RARB: variants seen among roughly 807,000 people sequenced by gnomAD.
The protein encoded by RARB is retinoic acid receptor beta.
RARB carries 17 observed loss-of-function variants against 51.9 expected under a neutral mutation model. That is an observed-to-expected ratio of 0.33 (90% CI 0.22 to 0.49). The LOEUF (loss-of-function observed/expected upper bound fraction) is 0.49, where lower values mean the gene tolerates loss of function less well. RARB is among the 20% of genes least tolerant of loss of function. The pLI is 0.99. For synonymous variants in RARB, 215 were observed against 195.4 expected (o/e 1.10, Z -0.84); for missense variants, 369 against 550.8 (o/e 0.67, Z 3.30).
intron 5 of RARB, among the ~76,000 whole-genome samples, chr3:25,310,342 G>A (rs977954154): frequency 1.3e-5 from 2 of 152,192 alleles, no homozygotes; most frequent in African/African-American, 4.8e-5. Context: ...AGCCTAGTCT[G>A]TATGACTGAC....
chr3:24,849,968 T>C (rs1156651614), intron 1 of RARB, among the ~76,000 whole-genome samples: 1 of 152,232 alleles, frequency 6.6e-6, no homozygotes, highest in African/African-American at 2.4e-5. Context: ...TAGTGGAGAC[T>C]GAGTAATTTA....
intron 3 of RARB, among the ~76,000 whole-genome samples, chr3:25,079,518 A>G (rs1044361613): frequency 6.6e-6 from 1 of 152,134 alleles, no homozygotes; most frequent in Non-Finnish European, 1.5e-5. Flanking sequence ...ATTTACCATT[A>G]AGTATTATGC....
intron 2 of RARB, among the ~76,000 whole-genome samples, chr3:24,927,863 G>T (rs552578760): frequency 2.6e-5 from 4 of 151,998 alleles, no homozygotes; most frequent in Non-Finnish European, 4.4e-5. Context: ...TGCCAGCTTG[G>T]CAGAGAATAA....
intron 1 of RARB, among the ~76,000 whole-genome samples, chr3:25,436,511 T>G (rs1033084121): frequency 2.0e-5 from 3 of 152,210 alleles, no homozygotes; most frequent in African/African-American, 7.2e-5. Context: ...AGAGATTATT[T>G]ATTGAAAGCT....
At chr3:25,221,027 C>T (rs1314736612) in intron 5 of RARB, among the ~76,000 whole-genome samples, 1 of 151,916 alleles carries the variant, frequency 6.6e-6, no homozygotes, top group African/African-American at 2.4e-5. Flanking sequence ...CACACACACA[C>T]ACACTCAACA....
intron 5 of RARB, among the ~76,000 whole-genome samples, chr3:25,355,498 A>AGTTTGTTT (rs931550214): frequency 5.9e-5 from 9 of 151,954 alleles, no homozygotes; most frequent in Middle Eastern, 3.4e-3. Context: ...ATTTGGCTGG[A>AGTTTGTTT]GTTTGTTTGT....
intron 2 of RARB, among the ~76,000 whole-genome samples, chr3:25,006,129 C>A (rs926036961): frequency 2.6e-5 from 4 of 152,228 alleles, no homozygotes; most frequent in Admixed American, 2.6e-4. Flanking sequence ...ATCAGAAAGA[C>A]CTTTCCTGAC....
At chr3:25,552,266 G>A (rs1478588810) in intron 3 of RARB, among the ~76,000 whole-genome samples, 1 of 152,182 alleles carries the variant, frequency 6.6e-6, no homozygotes, top group East Asian at 1.9e-4. Context: ...CTGGGCAAGG[G>A]AAAGTCAGCC....
intron 2 of RARB, among the ~76,000 whole-genome samples, chr3:24,919,792 C>G (rs1695181865): frequency 1.3e-5 from 2 of 152,170 alleles, no homozygotes; most frequent in Admixed American, 6.5e-5. Flanking sequence ...TTCTTCTCAT[C>G]AGACTTTTCA....
At chr3:25,538,198 C>T (rs1250660894) in intron 3 of RARB, among the ~76,000 whole-genome samples, 5 of 152,126 alleles carry the variant, frequency 3.3e-5, no homozygotes, top group South Asian at 2.1e-4. Context: ...AATGCTACTA[C>T]GTCAGTGTCC....
chr3:25,503,731 T>C lies in RARB; in HGVS notation c.448+2408T>C, dbSNP rs192220110. Among the ~76,000 whole-genome samples the C allele has an allele frequency of 7.5e-4, 114 of 152,286 alleles. No individual in the cohort carries two copies. In the East Asian group the frequency reaches 0.018, roughly 24 times the overall value. ...GATTGAGAGTCTAATTGGATATTTT[T>C]AAAGTTGAAACAGAAGGAAGCAGGC... On this transcript the variant is annotated intron_variant, in intron 3 of 7. Transcript: ENST00000330688.
intron 3 of RARB, among the ~76,000 whole-genome samples, chr3:25,068,817 G>A (rs867391664): frequency 6.6e-6 from 1 of 152,260 alleles, no homozygotes. Flanking sequence ...CTCAGGGGAA[G>A]AGCGGCTTAT....
intron 3 of RARB, among the ~76,000 whole-genome samples, chr3:25,110,066 T>C (rs1448565900): frequency 6.6e-6 from 1 of 152,214 alleles, no homozygotes; most frequent in Non-Finnish European, 1.5e-5. Context: ...CATTAAATCC[T>C]GTCTGTTAAA....
intron 4 of RARB, among the ~76,000 whole-genome samples, chr3:25,137,672 C>T (rs138073590): frequency 6.8e-4 from 103 of 152,116 alleles, no homozygotes; most frequent in African/African-American, 2.3e-3. Flanking sequence ...GGAAGATTTA[C>T]CAGGCCCATT....
intron 2 of RARB, among the ~76,000 whole-genome samples, chr3:24,899,452 C>T (rs559682996): frequency 1.3e-4 from 20 of 152,094 alleles, no homozygotes; most frequent in Non-Finnish European, 2.6e-4. Context: ...CGTCACTGGC[C>T]AGTCATGTGA....
intron 2 of RARB, among the ~76,000 whole-genome samples, chr3:25,014,429 T>TGTTTTACATGTAAAAA (rs1697464213): frequency 6.6e-6 from 1 of 152,126 alleles, no homozygotes; most frequent in Non-Finnish European, 1.5e-5. Context: ...AGGAGGATGA[T>TGTTTTACATGTAAAAA]AGTCAGTGTA....
In RARB at chr3:25,010,455, T is replaced by A. The variant is rs1697370054; in HGVS notation, c.-379-49670T>A. 1.3e-5 allele frequency among the ~76,000 whole-genome samples: 2 copies of A among 152,198 alleles called. 1 individual carries two copies. The highest frequency in any genetic ancestry group is 4.1e-4 in the South Asian group (2 of 4,836). ...TAACAAAAAGTGTGATATTTTACTT[T>A]GCATACTGACTTTAGTTATATAACA... On this transcript the variant is annotated intron_variant, in intron 2 of 11. Coordinates refer to the RARB transcript ENST00000383772.
Position 25,338,038 on chromosome 3 carries a change from A to G in RARB, c.179-123155A>G, listed in dbSNP as rs372269470. On this transcript the variant is annotated intron_variant, in intron 5 of 11. Coordinates refer to the RARB transcript ENST00000383772. ...CTTTCACTGAACCACAGGTTTCACA[A>G]TAAAATCACCGTTATTGAGCATTGA... 2.0e-5 allele frequency among the ~76,000 whole-genome samples: 3 copies of G among 150,810 alleles called. No individual in the cohort carries two copies. The South Asian group carries it at 6.4e-4, about 32-fold the overall frequency.
At chr3:25,405,218 A>G (rs1343669281) in intron 5 of RARB, among the ~76,000 whole-genome samples, 1 of 152,180 alleles carries the variant, frequency 6.6e-6, no homozygotes, top group Non-Finnish European at 1.5e-5. Flanking sequence ...CACAAGATTG[A>G]CAAATAATCT....
Sources: gnomAD v4.1 joint callset for allele counts (sites outside exome capture counted in the v4.1 genomes callset) on GRCh38, gnomAD v4.1.1 for gene constraint, MANE v1.5 for transcripts, NCBI Gene and HGNC (gene_info 2026-07-23, HGNC 2026-07-21) for gene names.